Variants in SLC4A10 observed in about 807,000 individuals in gnomAD.
The protein encoded by SLC4A10 is sodium-driven chloride bicarbonate exchanger.
A neutral mutation model predicts 137.7 loss-of-function variants in SLC4A10; 42 were observed. That is an observed-to-expected ratio of 0.30 (90% CI 0.24 to 0.39). The LOEUF is 0.39. Ranked by LOEUF, SLC4A10 falls within the 10% of genes least tolerant of loss-of-function variation. SLC4A10 has a pLI of 1.00. For missense variants in SLC4A10, 925 were observed against 1,355.0 expected (o/e 0.68, Z 4.98); for synonymous variants, 474 against 464.1 (o/e 1.02, Z -0.27).
At chr2:161,928,582 A>C (rs1689683155) in intron 15 of SLC4A10, among the ~76,000 whole-genome samples, 2 of 150,192 alleles carry the variant, frequency 1.3e-5, no homozygotes, top group East Asian at 1.9e-4. Flanking sequence ...TAAAAAAAAA[A>C]ACAAACTTCT....
At chr2:161,699,834 G>C (rs1317696307) in intron 1 of SLC4A10, among the ~76,000 whole-genome samples, 3 of 152,112 alleles carry the variant, frequency 2.0e-5, no homozygotes, top group Non-Finnish European at 4.4e-5. Context: ...ACAACAACAA[G>C]AAGAACATTT....
chr2:161,870,141 AATT>A, intron 6 of SLC4A10, among the ~76,000 whole-genome samples: 1 of 151,066 alleles, frequency 6.6e-6, no homozygotes, highest in African/African-American at 2.4e-5. Flanking sequence ...ATATTATTAT[AATT>A]ATTACATAAA....
intron 15 of SLC4A10, 84 bp downstream of exon 15, chr2:161,905,971 C>A: frequency 1.4e-6 from 2 of 1,476,072 alleles, no homozygotes; most frequent in Non-Finnish European, 1.8e-6. Flanking sequence ...GGAAATTACT[C>A]AGCAGAGAAT....
chr2:161,765,902 C>T (rs2050753559), intron 1 of SLC4A10, among the ~76,000 whole-genome samples: 1 of 152,066 alleles, frequency 6.6e-6, no homozygotes, highest in Admixed American at 6.6e-5. Context: ...CCCATGTTTA[C>T]TTGCTCTTGG....
intron 15 of SLC4A10, among the ~76,000 whole-genome samples, chr2:161,934,053 T>TA (rs945346585): frequency 1.3e-5 from 2 of 152,184 alleles, no homozygotes; most frequent in African/African-American, 4.8e-5. Flanking sequence ...TGTGTATATG[T>TA]ATGGGGTGCA....
intron 1 of SLC4A10, among the ~76,000 whole-genome samples, chr2:161,647,989 T>C (rs144882855): frequency 6.6e-6 from 1 of 152,348 alleles, no homozygotes; most frequent in East Asian, 1.9e-4. Flanking sequence ...TGGTATAGCA[T>C]TCATGCATTT....
At chr2:161,681,184 T>C (rs1244096254) in intron 1 of SLC4A10, among the ~76,000 whole-genome samples, 1 of 152,178 alleles carries the variant, frequency 6.6e-6, no homozygotes, top group Non-Finnish European at 1.5e-5. Context: ...GAGAACATAG[T>C]GGACTCTCAA....
chr2:161,660,870 C>T (rs530632455), intron 1 of SLC4A10, among the ~76,000 whole-genome samples: 5 of 151,248 alleles, frequency 3.3e-5, no homozygotes, highest in Non-Finnish European at 5.9e-5. Context: ...CCATGTTAGC[C>T]AGGATGGTCT....
chr2:161,650,320 A>G (rs773397967), intron 1 of SLC4A10, among the ~76,000 whole-genome samples: 58 of 152,338 alleles, frequency 3.8e-4, no homozygotes, highest in Non-Finnish European at 7.5e-4. Context: ...GTCTTTTTTC[A>G]TTACGTCATA....
intron 1 of SLC4A10, among the ~76,000 whole-genome samples, chr2:161,695,095 G>A (rs897875603): frequency 6.6e-6 from 1 of 151,970 alleles, no homozygotes; most frequent in African/African-American, 2.4e-5. Flanking sequence ...GATATTTGGA[G>A]TTCAACAAAA....
chr2:161,736,193 G>GTTGCC, intron 1 of SLC4A10, among the ~76,000 whole-genome samples: 1 of 151,862 alleles, frequency 6.6e-6, no homozygotes, highest in East Asian at 1.9e-4. Flanking sequence ...CTAAGTAATT[G>GTTGCC]ATAGGCAATA....
chr2:161,770,934 G>A (rs371820323), intron 1 of SLC4A10, 39 bp from the exon 2 acceptor site: 4 of 1,407,038 alleles, frequency 2.8e-6, no homozygotes, highest in African/African-American at 2.8e-5. Context: ...GAGATAATAT[G>A]TGTGTTATCA....
rs181231301 is a variant in SLC4A10, at chr2:161,647,969, C to A, written c.48+23403C>A. 5.0e-3 allele frequency among the ~76,000 whole-genome samples: 754 copies of A among 152,256 alleles called. 7 individuals carry two copies. The highest frequency in any genetic ancestry group is 4.9e-3 in the Non-Finnish European group (332 of 67,982). On this transcript the variant is annotated intron_variant, in intron 1 of 26. Transcript: ENST00000446997. ...GGTTTTTAGAAGCTCTTCAAAAGTT[C>A]TTTTACTAGTGGTATAGCATTCATG...
chr2:161,790,986 T>C (rs2054138654), intron 2 of SLC4A10, among the ~76,000 whole-genome samples: 1 of 152,126 alleles, frequency 6.6e-6, no homozygotes, highest in South Asian at 2.1e-4. Flanking sequence ...GGTGAGGTTG[T>C]GGAGAAAAAG....
rs573940952 is a variant in SLC4A10 at position 161,977,622 on chromosome 2, G to A, written c.3345-100G>A. 5.3e-5 allele frequency: 50 copies of A among 946,364 alleles called. No homozygotes were observed. The African/African-American group carries it at 7.6e-4, about 14-fold the overall frequency. The allele number at this position is 946,364 out of a possible 1,614,324, so 58.6% of individuals were successfully genotyped here. On this transcript the variant is annotated intron_variant, in intron 25 of 26. Transcript: ENST00000446997. The stretch of plus-strand genomic sequence containing the variant: ...TCTTTTTGTTAGAGAGTGATTGAGG[G>A]AATTGGGACAGTGTTTACTATAATT...
In SLC4A10 at chr2:161,872,390, C is replaced by G. The variant is rs965495887; in HGVS notation, c.858+6C>G. ...GCACTGTTGACTTTAGCAAGGTGAGCTTTTCTCCCTCTCATCTAAGTAAGT... is the reference window on the plus strand; with the variant it reads ...GCACTGTTGACTTTAGCAAGGTGAGGTTTTCTCCCTCTCATCTAAGTAAGT... On this transcript the variant is annotated splice_donor_region_variant and intron_variant, in intron 7 of 26. Transcript: ENST00000446997. The G allele has an allele frequency of 2.5e-6, 4 of 1,609,188 alleles. No homozygotes were observed. Among genetic ancestry groups the G allele is most frequent in the Non-Finnish European group, 2.6e-6 (3 of 1,176,046 alleles).
In SLC4A10 at chr2:161,634,159, G is replaced by A. The variant is rs570401649; in HGVS notation, c.48+9593G>A. Among the ~76,000 whole-genome samples, 21 of 151,916 alleles carry A rather than the reference G, an allele frequency of 1.4e-4. No individual in the cohort carries two copies. The Middle Eastern group carries it at 0.014, about 98-fold the overall frequency. ...ATCTCCAGTTTGTGACAGTTATTAA[G>A]TCTTTTTCTTTCATGACCTTGTCAC... On this transcript the variant is annotated intron_variant, in intron 1 of 26. Coordinates refer to ENST00000446997, the MANE Select transcript of SLC4A10 (RefSeq NM_001178015.2).
intron 1 of SLC4A10, among the ~76,000 whole-genome samples, chr2:161,721,511 C>T (rs947292760): frequency 6.6e-6 from 1 of 152,172 alleles, no homozygotes; most frequent in Non-Finnish European, 1.5e-5. Context: ...TGAATATTGG[C>T]CCCCAGTCTC....
At chr2:161,909,730 A>G (rs1007410059) in intron 15 of SLC4A10, among the ~76,000 whole-genome samples, 1 of 152,208 alleles carries the variant, frequency 6.6e-6, no homozygotes, top group Non-Finnish European at 1.5e-5. Flanking sequence ...GAACGCATAT[A>G]TTTACTAGTG....
Sources: gnomAD v4.1 joint callset for allele counts (sites outside exome capture counted in the v4.1 genomes callset) on GRCh38, gnomAD v4.1.1 for gene constraint, MANE v1.5 for transcripts, NCBI Gene and HGNC (gene_info 2026-07-23, HGNC 2026-07-21) for gene names.